The following ATXN2L variants were observed in gnomAD, a reference collection of about 807,000 sequenced individuals.
The protein encoded by ATXN2L is ataxin-2-like protein.
In ATXN2L, 24 loss-of-function variants were observed where a neutral mutation model predicts 120.7. That is an observed-to-expected ratio of 0.20 (90% CI 0.14 to 0.28). ATXN2L has a LOEUF of 0.28. ATXN2L is among the 10% of genes least tolerant of loss of function. The pLI, the probability that ATXN2L is intolerant of heterozygous loss-of-function variation, is 1.00. For synonymous variants in ATXN2L, 653 were observed against 568.1 expected (o/e 1.15, Z -2.13); for missense variants, 1,312 against 1,432.3 (o/e 0.92, Z 1.36).
chr16:28,836,637 C>A lies in ATXN2L; in HGVS notation c.*372C>A. On this transcript the variant is annotated 3_prime_UTR_variant, in exon 22 of 22. Coordinates refer to ENST00000336783, the MANE Select transcript of ATXN2L (RefSeq NM_007245.4). ...TGAGGAGGCCGCTCCTTCCCAGACACACCCCCACGCCCCCACTGGACGGCA... is the reference window on the plus strand; with the variant it reads ...TGAGGAGGCCGCTCCTTCCCAGACAAACCCCCACGCCCCCACTGGACGGCA... 1 of 1,608,838 alleles carries A rather than the reference C, an allele frequency of 6.2e-7. No homozygotes were observed. The highest frequency in any genetic ancestry group is 8.5e-7 in the Non-Finnish European group (1 of 1,178,490).
In ATXN2L at chr16:28,836,141, C is replaced by T. The variant is rs774580137; in HGVS notation, c.3104C>T (p.Ala1035Val). The T allele has an allele frequency of 3.1e-6, 5 of 1,614,126 alleles. No individual in the cohort carries two copies. Among genetic ancestry groups the T allele is most frequent in the Non-Finnish European group, 2.5e-6 (3 of 1,180,000 alleles). ...CCCCAAGGTGAGCAGCCTGGCCAGG[C>T]GCCTGGATTTCCAGGAGGAGCCGAT... ...GHPQGEQPGQ[A>V]PGFPGGADDR... is the part of the protein sequence containing the mutation. The change falls in exon 22 of 22, where the codon GCG becomes GTG. Residue 1035 changes from alanine to valine, a missense_variant. By Grantham distance (64) the Ala-to-Val change is moderately conservative. Coordinates refer to ENST00000336783, the MANE Select transcript of ATXN2L (RefSeq NM_007245.4).
Position 28,835,222 on chromosome 16 carries a change from G to A in ATXN2L, c.2563+35G>A, listed in dbSNP as rs754552773. 2.5e-6 allele frequency: 4 copies of A among 1,609,856 alleles called. No individual in the cohort carries two copies. The South Asian group carries it at 4.4e-5, about 18-fold the overall frequency. ...GCGCCTGGTCCCTCTGCTCTGGGCTGTGTGCCAGCCCCCTCTGGTGTGCTC... is the reference window on the plus strand; with the variant it reads ...GCGCCTGGTCCCTCTGCTCTGGGCTATGTGCCAGCCCCCTCTGGTGTGCTC... On this transcript the variant is annotated intron_variant, in intron 19 of 21. Transcript: ENST00000336783.
Position 28,825,643 on chromosome 16 carries a change from A to G in ATXN2L, c.356A>G (p.Asn119Ser), listed in dbSNP as rs1434664265. Reference protein sequence around the residue: ...PQSPVFEGVYNNSRMLHFLTA... With the variant: ...PQSPVFEGVYSNSRMLHFLTA... ...TGACAGGTGTTTGAAGGCGTCTACAACAATTCCAGAATGCTGCATTTCCTT... is the reference window on the plus strand; with the variant it reads ...TGACAGGTGTTTGAAGGCGTCTACAGCAATTCCAGAATGCTGCATTTCCTT... Residue 119 changes from asparagine (N) to serine (S), a missense_variant, in exon 3 of 22, where the codon AAC becomes AGC. Transcript: ENST00000336783. 3 of 1,614,204 alleles carry G rather than the reference A, an allele frequency of 1.9e-6. No individual in the cohort carries two copies. Among genetic ancestry groups the G allele is most frequent in the Non-Finnish European group, 1.7e-6 (2 of 1,180,016 alleles).
Position 28,832,966 on chromosome 16 carries a change from G to C in ATXN2L, c.1659+79G>C, listed in dbSNP as rs537302804. On this transcript the variant is annotated intron_variant, in intron 13 of 21. Transcript: ENST00000336783. ...CGTAGATGAGGCAAAGGACTAGATA[G>C]GAGTCAAAGAGATGAGATCAAAAAA... 3.1e-6 allele frequency: 5 copies of C among 1,589,914 alleles called. No individual in the cohort carries two copies. The East Asian group carries it at 1.1e-4, about 36-fold the overall frequency.
chr16:28,833,537 T>G (rs757771197), intron 15 of ATXN2L, 29 bp downstream of exon 15: 4 of 1,611,370 alleles, frequency 2.5e-6, no homozygotes, highest in Non-Finnish European at 3.4e-6. Context: ...ATGTGGACTT[T>G]GGTTTCTGTG....
chr16:28,826,519 A>C, intron 5 of ATXN2L, 129 bp downstream of exon 5: 1 of 1,128,280 alleles, frequency 8.9e-7, no homozygotes, highest in Non-Finnish European at 1.2e-6. Context: ...TTTTGCTTTA[A>C]TGCCTTTTTT....
At chr16:28,835,499 G>A (rs572045892) in intron 20 of ATXN2L, 50 bp from the exon 21 acceptor site, 2 of 1,610,480 alleles carry the variant, frequency 1.2e-6, no homozygotes, top group Middle Eastern at 1.9e-4. Flanking sequence ...AGGACTGGGG[G>A]CCAGCGAGTT....
rs775446640 is a variant in ATXN2L, at chr16:28,823,358, T to G, written c.99T>G (p.Pro33=). The G allele has an allele frequency of 2.2e-6, 3 of 1,360,300 alleles. No homozygotes were observed. In the Admixed American group the frequency reaches 9.2e-5, roughly 42 times the overall value. 84.3% of individuals were successfully genotyped at this position (1,360,300 alleles called of 1,614,324 possible). A position where few individuals can be genotyped will look rare whatever the true frequency, so the allele number is the denominator to read the frequency against. The change falls in exon 1 of 22, where the codon CCT becomes CCG. Residue 33 remains proline (P), a synonymous_variant. Transcript: ENST00000336783. The part of the protein sequence containing the change: ...VARRPPGGTS[P]PNGGLPGPLA... ...GTCGGCCCCCCGGGGGCACCAGCCC[T>G]CCCAACGGCGGCCTCCCGGGGCCGC... is the stretch of plus-strand genomic sequence containing the variant.
At chr16:28,826,442 A>G (rs778905351) in intron 5 of ATXN2L, 52 bp downstream of exon 5, 2 of 1,579,286 alleles carry the variant, frequency 1.3e-6, no homozygotes, top group South Asian at 1.1e-5. Context: ...TAGAGGACAG[A>G]GGGTAGTTTG....
Position 28,834,403 on chromosome 16 carries a change from C to T in ATXN2L, c.2233C>T (p.Arg745Trp), listed in dbSNP as rs560637561. ...AGTGCCTGGGCAGCAGGGCAAGTAC[C>T]GGGGAGCAAAAGGTGAGCAGGGCTG... ...NSVPGQQGKY[R>W]GAKGSLPPQR... Residue 745 changes from arginine (R) to tryptophan (W), a missense_variant, in exon 17 of 22, where the codon CGG (arginine) becomes TGG (tryptophan). Physicochemically the swap from Arg to Trp is moderately radical, Grantham distance 101. Transcript: ENST00000336783. 5.0e-6 allele frequency: 8 copies of T among 1,614,072 alleles called. No homozygotes were observed. Among genetic ancestry groups the T allele is most frequent in the African/African-American group, 1.3e-5 (1 of 75,032 alleles).
intron 1 of ATXN2L, chr16:28,824,353 T>C (rs2050899962): frequency 8.3e-7 from 1 of 1,201,886 alleles, no homozygotes; most frequent in South Asian, 1.4e-5. Flanking sequence ...CTCTGATCGC[T>C]GGAGGTGGGG....
rs989960301 is a variant in ATXN2L at position 28,833,870 on chromosome 16, CACTT to C, written c.2026-192_2026-189del. On this transcript the variant is annotated intron_variant, in intron 15 of 21. Coordinates refer to ENST00000336783, the MANE Select transcript of ATXN2L (RefSeq NM_007245.4). ...TTGGAAGGTTTGTGATCTTGGACGT[CACTT>C]ACATTCTCTGCCTCACCTGTAACTT... 3.6e-4 allele frequency: 262 copies of C among 729,028 alleles called. 5 individuals carry two copies. In the Admixed American group the frequency reaches 7.2e-3, roughly 20 times the overall value. The allele number at this position is 729,028 out of a possible 1,614,324, so 45.2% of individuals were successfully genotyped here.
chr16:28,834,975 C>A, intron 18 of ATXN2L, 83 bp from the exon 19 acceptor site: 1 of 1,518,790 alleles, frequency 6.6e-7, no homozygotes, highest in South Asian at 1.3e-5. Context: ...GAGGCCCAAG[C>A]GGTGCTGTGC....
chr16:28,823,304 G>C lies in ATXN2L; in HGVS notation c.45G>C (p.Gln15His). ...QPLQQPSQPQ[Q>H]PPPTQQAVAR... ...TACAACAGCCCTCCCAGCCCCAGCA[G>C]CCGCCCCCCACGCAACAGGCCGTGG... is the stretch of plus-strand genomic sequence containing the variant. The change falls in exon 1 of 22, where the codon CAG (glutamine) becomes CAC (histidine). Residue 15 changes from glutamine (Q) to histidine (H), a missense_variant. By Grantham distance (24) the Gln-to-His change is conservative. Transcript: ENST00000336783. The C allele has an allele frequency of 6.7e-7, 1 of 1,493,292 alleles. No homozygotes were observed. Among genetic ancestry groups the C allele is most frequent in the Non-Finnish European group, 8.9e-7 (1 of 1,122,884 alleles). The allele number at this position is 1,493,292 out of a possible 1,614,324, so 92.5% of individuals were successfully genotyped here. A position where few individuals can be genotyped will look rare whatever the true frequency, so the allele number is the denominator to read the frequency against.
chr16:28,826,750 G>T, intron 5 of ATXN2L, 112 bp from the exon 6 acceptor site: 1 of 1,325,828 alleles, frequency 7.5e-7, no homozygotes, highest in East Asian at 2.5e-5. Flanking sequence ...CACGTACTCT[G>T]GACTTCTTAA....
chr16:28,824,504 G>A (rs1375608454), intron 1 of ATXN2L: 1 of 1,288,110 alleles, frequency 7.8e-7, no homozygotes, highest in African/African-American at 1.5e-5. Flanking sequence ...ATCAGCCAGC[G>A]ACGAGCAGGG....
At chr16:28,825,892 A>G (rs1267263327) in intron 4 of ATXN2L, 51 bp downstream of exon 4, 2 of 1,502,264 alleles carry the variant, frequency 1.3e-6, no homozygotes, top group East Asian at 2.3e-5. Context: ...TAGGAGGAGA[A>G]TGAAATAGGC....
rs530092758 is a variant in ATXN2L, at chr16:28,836,987, T to C, written c.*722T>C. ...GGGTGGGGGGTTCCTGCTCTGCCCC[T>C]GCCCGTCCCCACCCAGTCTTGCCCT... On this transcript the variant is annotated 3_prime_UTR_variant, in exon 22 of 22. Coordinates refer to ENST00000336783, the MANE Select transcript of ATXN2L (RefSeq NM_007245.4). 1 of 663,012 alleles carries C rather than the reference T, an allele frequency of 1.5e-6. No individual in the cohort carries two copies. The highest frequency in any genetic ancestry group is 1.8e-5 in the African/African-American group (1 of 56,078). 41.1% of individuals were successfully genotyped at this position (663,012 alleles called of 1,614,324 possible).
chr16:28,832,586 C>G lies in ATXN2L; in HGVS notation c.1588+19C>G. ...GGGAAAGGTGAGGGTGGTTTTTTTT[C>G]TGCTGAGGATTAATGCTCCTTTGTC... On this transcript the variant is annotated intron_variant, in intron 12 of 21. Transcript: ENST00000336783. 1 of 1,610,822 alleles carries G rather than the reference C, an allele frequency of 6.2e-7. No individual in the cohort carries two copies. Among genetic ancestry groups the G allele is most frequent in the Non-Finnish European group, 8.5e-7 (1 of 1,177,140 alleles).
Sources: gnomAD v4.1 joint callset for allele counts on GRCh38, gnomAD v4.1.1 for gene constraint, MANE v1.5 for transcripts, NCBI Gene and HGNC (gene_info 2026-07-23, HGNC 2026-07-21) for gene names.